Variants in TSNARE1 observed in about 807,000 individuals in gnomAD.
The protein encoded by TSNARE1 is t-SNARE domain-containing protein 1.
TSNARE1 carries 49 observed loss-of-function variants against 62.0 expected under a neutral mutation model. The observed-to-expected ratio is 0.79, with a 90% confidence interval of 0.63 to 1.00. The LOEUF (loss-of-function observed/expected upper bound fraction) is 1.00. Among genes scored for constraint, TSNARE1 ranks in the 50% least tolerant of loss-of-function variants. TSNARE1 has a pLI of 0.00. For synonymous variants in TSNARE1, 328 were observed against 294.4 expected, an observed-to-expected ratio of 1.11 and a Z score of -1.17; for missense variants, 755 against 700.1, an observed-to-expected ratio of 1.08 and a Z score of -0.88.
intron 1 of TSNARE1, among the ~76,000 whole-genome samples, chr8:142,393,201 C>G (rs1837666740): frequency 6.6e-6 from 1 of 152,222 alleles, no homozygotes; most frequent in Admixed American, 6.5e-5. Context: ...TGAGAACCAT[C>G]CGGGGAACGA....
Position 142,319,157 on chromosome 8 carries a change from G to C in TSNARE1, c.894-523C>G, listed in dbSNP as rs189066135. 3.3e-4 allele frequency among the ~76,000 whole-genome samples: 48 copies of C among 146,032 alleles called. No individual in the cohort carries two copies. Among genetic ancestry groups the C allele is most frequent in the South Asian group, 1.1e-3 (5 of 4,536 alleles). ...GCCACTGCGAGGACCACCTTGCTCCGCCGCAACCACCCCCAAATACCCCAC... is the reference window on the plus strand; with the variant it reads ...GCCACTGCGAGGACCACCTTGCTCCCCCGCAACCACCCCCAAATACCCCAC... On this transcript the variant is annotated intron_variant, in intron 6 of 13. Transcript: ENST00000524325. The surrounding 1 kb of genome is among the most constrained non-coding windows in gnomAD (Gnocchi z 4.9).
intron 13 of TSNARE1, among the ~76,000 whole-genome samples, chr8:142,217,342 AG>A (rs750476109): frequency 1.9e-5 from 2 of 102,948 alleles, no homozygotes; most frequent in South Asian, 3.4e-4. Flanking sequence ...AAAGAAAGAA[AG>A]AAAGAAAGAA....
intron 13 of TSNARE1, among the ~76,000 whole-genome samples, chr8:142,215,005 G>T (rs1815762825): frequency 6.6e-6 from 1 of 152,178 alleles, no homozygotes; most frequent in Admixed American, 6.5e-5. Context: ...CCCACCTCAG[G>T]GGCTTCACCT....
chr8:142,285,740 C>G (rs558661621), intron 10 of TSNARE1, among the ~76,000 whole-genome samples: 2 of 152,230 alleles, frequency 1.3e-5, no homozygotes, highest in African/African-American at 4.8e-5. Context: ...AGGAGGACTT[C>G]GGGTACCCCT....
intron 1 of TSNARE1, among the ~76,000 whole-genome samples, chr8:142,373,071 G>C (rs1216375496): frequency 6.6e-6 from 1 of 152,172 alleles, no homozygotes; most frequent in Non-Finnish European, 1.5e-5. Flanking sequence ...TGTCTGCTGA[G>C]ACCCCTGAGT....
At chr8:142,387,637 T>C (rs1023283650) in intron 1 of TSNARE1, among the ~76,000 whole-genome samples, 17 of 151,906 alleles carry the variant, frequency 1.1e-4, no homozygotes, top group Admixed American at 7.9e-4. Context: ...ATGAATAAAT[T>C]TGACAAACAG....
At chr8:142,255,852 C>A (rs1039466314) in intron 12 of TSNARE1, among the ~76,000 whole-genome samples, 12 of 120,320 alleles carry the variant, frequency 1.0e-4, no homozygotes, top group Non-Finnish European at 1.3e-4. Context: ...CCATCACCAC[C>A]ACCATCACCA....
At chr8:142,359,239 T>C (rs905652347) in intron 1 of TSNARE1, among the ~76,000 whole-genome samples, 11 of 152,078 alleles carry the variant, frequency 7.2e-5, no homozygotes, top group African/African-American at 2.4e-5. Flanking sequence ...CAGAGCCCGA[T>C]GCTTACCACA....
At chr8:142,371,513 T>C (rs551300864) in intron 1 of TSNARE1, among the ~76,000 whole-genome samples, 3 of 152,312 alleles carry the variant, frequency 2.0e-5, no homozygotes, top group South Asian at 4.1e-4. Flanking sequence ...GTATATAAAT[T>C]ATACTTCAAT....
intron 4 of TSNARE1, among the ~76,000 whole-genome samples, chr8:142,335,456 G>A (rs370738062): frequency 6.6e-6 from 1 of 152,188 alleles, no homozygotes; most frequent in African/African-American, 2.4e-5. Context: ...ATGATACGGT[G>A]CTACTTGAAG....
At chr8:142,238,428 ACCCTGCCGCTGAG>A (rs1204296444) in intron 12 of TSNARE1, among the ~76,000 whole-genome samples, 3 of 151,700 alleles carry the variant, frequency 2.0e-5, no homozygotes, top group Non-Finnish European at 2.9e-5. Context: ...AAGGAATAAA[ACCCTGCCGCTGAG>A]CCCAGTCAGC....
chr8:142,299,851 CATAGG>C (rs1300579943), intron 10 of TSNARE1, among the ~76,000 whole-genome samples: 1 of 152,220 alleles, frequency 6.6e-6, no homozygotes, highest in Non-Finnish European at 1.5e-5. Context: ...AGAGATTAAC[CATAGG>C]CTAGAGACAC....
chr8:142,311,157 GTTGT>G (rs1325919235), intron 9 of TSNARE1, among the ~76,000 whole-genome samples: 1 of 149,996 alleles, frequency 6.7e-6, no homozygotes, highest in African/African-American at 2.5e-5. Context: ...GCCAAGGGTG[GTTGT>G]TTTTTTTTTT....
At chr8:142,264,968 TTTTC>T (rs1239671176) in intron 12 of TSNARE1, among the ~76,000 whole-genome samples, 1 of 152,238 alleles carries the variant, frequency 6.6e-6, no homozygotes, top group African/African-American at 2.4e-5. Flanking sequence ...CTGCTTCTCC[TTTTC>T]TTTTTGTTGC....
intron 2 of TSNARE1, among the ~76,000 whole-genome samples, chr8:142,347,179 G>A (rs544195622): frequency 2.6e-5 from 4 of 152,364 alleles, no homozygotes; most frequent in African/African-American, 4.8e-5. Flanking sequence ...ATTTCGGGGC[G>A]GAGGTTTCCG....
chr8:142,340,847 C>G (rs1340149503), intron 4 of TSNARE1, among the ~76,000 whole-genome samples: 1 of 152,242 alleles, frequency 6.6e-6, no homozygotes, highest in Non-Finnish European at 1.5e-5. Context: ...TCACACCCCA[C>G]GGATGACACC....
intron 2 of TSNARE1, among the ~76,000 whole-genome samples, chr8:142,352,897 C>T (rs1405533230): frequency 6.6e-6 from 1 of 152,210 alleles, no homozygotes; most frequent in African/African-American, 2.4e-5. Flanking sequence ...CCTGTGTCTA[C>T]ACCCCACGCA....
chr8:142,310,642 G>A (rs1827424480), intron 9 of TSNARE1, among the ~76,000 whole-genome samples: 1 of 152,090 alleles, frequency 6.6e-6, no homozygotes, highest in African/African-American at 2.4e-5. Context: ...CGTTTTGAAG[G>A]CACATTTCCA....
intron 13 of TSNARE1, among the ~76,000 whole-genome samples, chr8:142,226,245 G>A (rs1009837085): frequency 6.6e-6 from 1 of 152,184 alleles, no homozygotes; most frequent in African/African-American, 2.4e-5. Context: ...TTTCCGGCTG[G>A]CTTGGGGCTG....
Sources: allele counts gnomAD v4.1 joint callset (sites outside exome capture counted in the v4.1 genomes callset), GRCh38; gene constraint gnomAD v4.1.1; non-coding constraint Gnocchi (gnomAD v3.1); transcripts MANE v1.5; gene names NCBI Gene and HGNC (gene_info 2026-07-23, HGNC 2026-07-21).